Variants in RYR2 observed in about 807,000 individuals in gnomAD.
RYR2 encodes the protein ryanodine receptor 2, also known as cardiac muscle ryanodine receptor-calcium release channel.
In RYR2, 227 loss-of-function variants were observed where a neutral mutation model predicts 601.1. The ratio of observed to expected loss-of-function variants is 0.38; its 90% CI spans 0.34 to 0.42. The LOEUF (loss-of-function observed/expected upper bound fraction) is 0.42, where lower values mean the gene tolerates loss of function less well. Ranked by LOEUF, RYR2 falls within the 10% of genes least tolerant of loss-of-function variation. RYR2 has a pLI of 1.00. For synonymous variants in RYR2, 2,223 were observed against 2,175.1 expected (o/e 1.02, Z -0.61); for missense variants, 4,646 against 6,156.5 (o/e 0.75, Z 8.21).
chr1:237,280,923 T>G (rs902438969), intron 2 of RYR2, among the ~76,000 whole-genome samples: 1 of 152,040 alleles, frequency 6.6e-6, no homozygotes, highest in African/African-American at 2.4e-5. Flanking sequence ...TAGCTGGGAT[T>G]ACAGGCACGC....
intron 80 of RYR2, among the ~76,000 whole-genome samples, chr1:237,749,647 C>T (rs1430359312): frequency 2.6e-5 from 4 of 152,010 alleles, no homozygotes; most frequent in Admixed American, 1.3e-4. Context: ...TCTCAGATGT[C>T]AAATCTACCC....
intron 53 of RYR2, among the ~76,000 whole-genome samples, chr1:237,656,432 G>A (rs1438467641): frequency 1.3e-5 from 2 of 152,186 alleles, no homozygotes; most frequent in Non-Finnish European, 2.9e-5. Context: ...GTTAACAGCT[G>A]ATGTTCAGCA....
chr1:237,711,962 A>G, intron 71 of RYR2, 125 bp downstream of exon 71: 2 of 627,100 alleles, frequency 3.2e-6, no homozygotes, highest in Non-Finnish European at 5.7e-6. Context: ...AATGTTATAA[A>G]TTGGTTCAAA....
intron 81 of RYR2, among the ~76,000 whole-genome samples, chr1:237,756,973 A>G (rs1305794114): frequency 1.3e-5 from 2 of 152,226 alleles, no homozygotes; most frequent in Admixed American, 6.5e-5. Context: ...ATGCTGTCAT[A>G]TATCTCAGTA....
intron 17 of RYR2, among the ~76,000 whole-genome samples, chr1:237,482,940 C>A (rs961033698): frequency 6.6e-6 from 1 of 152,112 alleles, no homozygotes; most frequent in Admixed American, 6.6e-5. Context: ...ATTTGCATTT[C>A]TCTGATGATC....
chr1:237,688,073 G>T (rs1443694912), intron 63 of RYR2, among the ~76,000 whole-genome samples: 1 of 152,116 alleles, frequency 6.6e-6, no homozygotes, highest in African/African-American at 2.4e-5. Flanking sequence ...CACCTAGCTG[G>T]AGTCCATGTT....
chr1:237,071,305 C>T (rs1039731101), intron 1 of RYR2, among the ~76,000 whole-genome samples: 2 of 151,946 alleles, frequency 1.3e-5, no homozygotes, highest in African/African-American at 4.8e-5. Context: ...CTCACTGCAA[C>T]CTCTGCCTCC....
At chr1:237,423,045 C>G (rs780547588) in intron 11 of RYR2, 47 bp from the exon 12 acceptor site, 1 of 1,576,048 alleles carries the variant, frequency 6.3e-7, no homozygotes, top group Non-Finnish European at 8.6e-7. Flanking sequence ...GCTACTCCTT[C>G]TGTGATTGTG....
Position 237,808,654 on chromosome 1 carries a change from C to CA in RYR2, c.14299-233dup, listed in dbSNP as rs35162950. ...CAGCCTGGTGACAGAAACTCTGTCT[C>CA]AAAAAAAAAAAAAACAAAATAAAAT... On this transcript the variant is annotated intron_variant, in intron 99 of 104. Transcript: ENST00000366574. Among the ~76,000 whole-genome samples, 6,871 of 115,912 alleles carry CA rather than the reference C, an allele frequency of 0.059. 214 individuals carry two copies. Among genetic ancestry groups the CA allele is most frequent in the Non-Finnish European group, 0.093 (4,909 of 52,582 alleles). The allele number at this position is 115,912 out of a possible 152,430, so 76.0% of individuals were successfully genotyped here.
chr1:237,472,357 G>A (rs1167119826), intron 17 of RYR2, among the ~76,000 whole-genome samples: 3 of 152,290 alleles, frequency 2.0e-5, no homozygotes, highest in Admixed American at 6.5e-5. Context: ...CAAAAGTAGG[G>A]TTAATTGTCT....
chr1:237,061,276 C>CATCTATCATCTATCTATCTATCT (rs1553275502), intron 1 of RYR2, among the ~76,000 whole-genome samples: 126 of 98,798 alleles, frequency 1.3e-3, no homozygotes, highest in Non-Finnish European at 1.7e-3. Flanking sequence ...ATCCATCTAT[C>CATCTATCATCTATCTATCTATCT]ATCTATCTAT....
intron 1 of RYR2, among the ~76,000 whole-genome samples, chr1:237,130,361 G>T (rs575383670): frequency 6.6e-6 from 1 of 152,258 alleles, no homozygotes; most frequent in African/African-American, 2.4e-5. Flanking sequence ...ACTAGGAAAA[G>T]AGTGAACTGA....
At chr1:237,118,932 C>T (rs544920896) in intron 1 of RYR2, among the ~76,000 whole-genome samples, 63 of 151,472 alleles carry the variant, frequency 4.2e-4, no homozygotes, top group African/African-American at 1.5e-3. Context: ...AAGGAAAAAC[C>T]CCTTGTGCAA....
intron 80 of RYR2, among the ~76,000 whole-genome samples, chr1:237,748,657 G>C (rs1692284808): frequency 6.6e-6 from 1 of 152,164 alleles, no homozygotes; most frequent in African/African-American, 2.4e-5. Context: ...TCCTGGCCTT[G>C]ACACAAGGAA....
intron 6 of RYR2, among the ~76,000 whole-genome samples, chr1:237,374,454 T>C (rs1238137300): frequency 6.6e-6 from 1 of 151,936 alleles, no homozygotes; most frequent in Non-Finnish European, 1.5e-5. Flanking sequence ...GTCTAGGAGT[T>C]CAAGGCCAGC....
chr1:237,347,956 T>C (rs184699360), intron 3 of RYR2, among the ~76,000 whole-genome samples: 2 of 152,346 alleles, frequency 1.3e-5, no homozygotes, highest in East Asian at 3.9e-4. Flanking sequence ...ACATTTTTTA[T>C]ACCACTTTTC....
intron 82 of RYR2, among the ~76,000 whole-genome samples, chr1:237,758,573 A>G (rs1479210109): frequency 6.6e-6 from 1 of 152,196 alleles, no homozygotes; most frequent in Admixed American, 6.5e-5. Flanking sequence ...ATATATATGC[A>G]TATGTGCATA....
chr1:237,543,034 C>T (rs1019854442), intron 25 of RYR2, among the ~76,000 whole-genome samples: 1 of 152,188 alleles, frequency 6.6e-6, no homozygotes, highest in African/African-American at 2.4e-5. Flanking sequence ...TGTCCTAAGG[C>T]ATAAGGGCTT....
chr1:237,113,887 T>A (rs1237463721), intron 1 of RYR2, among the ~76,000 whole-genome samples: 3 of 152,128 alleles, frequency 2.0e-5, no homozygotes, highest in African/African-American at 2.4e-5. Flanking sequence ...CTTTAAGTGT[T>A]GAAGTGAAGG....
Sources: allele counts gnomAD v4.1 joint callset (sites outside exome capture counted in the v4.1 genomes callset), GRCh38; gene constraint gnomAD v4.1.1; transcripts MANE v1.5; gene names NCBI Gene and HGNC (gene_info 2026-07-23, HGNC 2026-07-21).